GINS2: variants seen among roughly 807,000 people sequenced by gnomAD.
The protein encoded by GINS2 is DNA replication complex GINS protein PSF2.
A neutral mutation model predicts 21.2 loss-of-function variants in GINS2; 23 were observed. That is an observed-to-expected ratio of 1.08 (90% CI 0.78 to 1.53). The LOEUF is 1.53. Among genes scored for constraint, GINS2 ranks in the 40% most tolerant of loss-of-function variants. The pLI is 0.00. For synonymous variants in GINS2, 118 were observed against 85.6 expected, an observed-to-expected ratio of 1.38 and a Z score of -2.09; for missense variants, 323 against 233.9, an observed-to-expected ratio of 1.38 and a Z score of -2.49.
In GINS2 at chr16:85,681,597, T is replaced by C; in HGVS notation, c.290A>G (p.Lys97Arg). The C allele has an allele frequency of 6.2e-7, 1 of 1,605,088 alleles. No individual in the cohort carries two copies. Among genetic ancestry groups the C allele is most frequent in the Non-Finnish European group, 8.5e-7 (1 of 1,171,988 alleles). ...ATCTACTTACTGATTTAACAGGAGC[T>C]TCGTAAGTTCCATGTAGTAAGGGCT... ...MPSPYYMELTKLLLNHASDNI... is the reference protein window; with the variant it reads ...MPSPYYMELTRLLLNHASDNI... Residue 97 changes from lysine to arginine, a missense_variant, in exon 3 of 5, where the codon AAG becomes AGG. Coordinates refer to ENST00000253462, the MANE Select transcript of GINS2 (RefSeq NM_016095.3).
chr16:85,676,850 G>A lies in GINS2; in HGVS notation c.*1362C>T, dbSNP rs1213924230. ...AGCCTGGATGACAGAACGAGACCCT[G>A]TCTAAAAAAAAAGTTAAAATTTTTT... On this transcript the variant is annotated 3_prime_UTR_variant, in exon 5 of 5. Coordinates refer to ENST00000253462, the MANE Select transcript of GINS2 (RefSeq NM_016095.3). The A allele has an allele frequency of 1.4e-5, 2 of 145,842 alleles. No homozygotes were observed. The highest frequency in any genetic ancestry group is 4.9e-5 in the African/African-American group (2 of 40,546). The allele number at this position is 145,842 out of a possible 1,614,324, so 9.0% of individuals were successfully genotyped here.
intron 3 of GINS2, among the ~76,000 whole-genome samples, chr16:85,680,811 C>T (rs888052339): frequency 3.3e-5 from 5 of 152,138 alleles, no homozygotes; most frequent in South Asian, 2.1e-4. Flanking sequence ...GTGACAGGGG[C>T]CAGTGTGAGC....
intron 3 of GINS2, 52 bp downstream of exon 3, chr16:85,681,530 G>A (rs761650471): frequency 4.8e-6 from 5 of 1,046,990 alleles, no homozygotes; most frequent in African/African-American, 4.7e-5. Context: ...TAGGGGAAGG[G>A]CATGGCGAGT....
chr16:85,684,529 G>T (rs2053759334), intron 2 of GINS2, among the ~76,000 whole-genome samples: 3 of 151,982 alleles, frequency 2.0e-5, no homozygotes, highest in Non-Finnish European at 4.4e-5. Flanking sequence ...AAGCCAAAAA[G>T]GGGAATCCCA....
rs2152051543 is a variant in GINS2 at position 85,681,690 on chromosome 16, T to A, written c.206-9A>T. On this transcript the variant is annotated splice_polypyrimidine_tract_variant and intron_variant, in intron 2 of 4. Coordinates refer to ENST00000253462, the MANE Select transcript of GINS2 (RefSeq NM_016095.3). ...CATCTTCTCCAACTTTTCTGAAATT[T>A]AGAAGTTAATACATTTTACCATCAT... 6.6e-7 allele frequency: 1 copy of A among 1,513,422 alleles called. No homozygotes were observed. Among genetic ancestry groups the A allele is most frequent in the Middle Eastern group, 1.8e-4 (1 of 5,568 alleles). The allele number at this position is 1,513,422 out of a possible 1,614,324, so 93.7% of individuals were successfully genotyped here.
chr16:85,686,639 C>T (rs1283486488), intron 2 of GINS2, among the ~76,000 whole-genome samples: 5 of 152,128 alleles, frequency 3.3e-5, no homozygotes, highest in Middle Eastern at 3.2e-3. Context: ...TATTGATTTG[C>T]CTATTCTAGA....
At chr16:85,681,716 T>C (rs1231544064) in intron 2 of GINS2, 35 bp from the exon 3 acceptor site, 1 of 1,279,094 alleles carries the variant, frequency 7.8e-7, no homozygotes, top group Non-Finnish European at 1.1e-6. Context: ...TTACCATCAT[T>C]ATAACCAAGA....
At chr16:85,687,762 G>T in intron 1 of GINS2, 188 bp from the exon 2 acceptor site, 2 of 483,010 alleles carry the variant, frequency 4.1e-6, no homozygotes, top group Non-Finnish European at 7.3e-6. Flanking sequence ...ACCTGCGAGC[G>T]TGGGGCTCAG....
In GINS2 at chr16:85,688,728, G is replaced by C. The variant is rs564320518; in HGVS notation, c.90+81C>G. ...AGATGCGGGAGCAGGGCGAGCCCGC[G>C]ACCCCGGGGCTGAAGGCCACGCGGG... On this transcript the variant is annotated intron_variant, in intron 1 of 4. Transcript: ENST00000253462. 1.1e-5 allele frequency: 8 copies of C among 734,556 alleles called. No individual in the cohort carries two copies. In the African/African-American group the frequency reaches 1.5e-4, roughly 14 times the overall value. The allele number at this position is 734,556 out of a possible 1,614,324, so 45.5% of individuals were successfully genotyped here.
At chr16:85,684,843 A>G (rs1401041710) in intron 2 of GINS2, among the ~76,000 whole-genome samples, 1 of 151,600 alleles carries the variant, frequency 6.6e-6, no homozygotes, top group Non-Finnish European at 1.5e-5. Context: ...GCTGGAGTAC[A>G]GTGGCGCGAT....
Position 85,681,677 on chromosome 16 carries a change from C to G in GINS2, c.210G>C (p.Lys70Asn), listed in dbSNP as rs2053734595. 8 of 1,595,050 alleles carry G rather than the reference C, an allele frequency of 5.0e-6. No individual in the cohort carries two copies. The highest frequency in any genetic ancestry group is 6.9e-6 in the Non-Finnish European group (8 of 1,163,316). Reference sequence around the variant, plus strand: ...GTTCATGATCCCTCATCTTCTCCAACTTTTCTGAAATTTAGAAGTTAATAC... The same window carrying G: ...GTTCATGATCCCTCATCTTCTCCAAGTTTTCTGAAATTTAGAAGTTAATAC... ...LLPPEWMDVE[K>N]LEKMRDHERK... is the part of the protein sequence containing the mutation. The change falls in exon 3 of 5, where the codon AAG becomes AAC. Residue 70 changes from lysine to asparagine, a missense_variant. Transcript: ENST00000253462.
chr16:85,686,072 C>G (rs190989857), intron 2 of GINS2, among the ~76,000 whole-genome samples: 16 of 152,178 alleles, frequency 1.1e-4, no homozygotes, highest in African/African-American at 3.6e-4. Flanking sequence ...TTCAAAGGCT[C>G]AGAATAAAGC....
At chr16:85,684,617 G>C (rs1417899349) in intron 2 of GINS2, among the ~76,000 whole-genome samples, 1 of 151,820 alleles carries the variant, frequency 6.6e-6, no homozygotes, top group Non-Finnish European at 1.5e-5. Context: ...ATAGCCAGGT[G>C]GTGTGAATAT....
intron 1 of GINS2, chr16:85,688,040 G>A (rs1197893887): frequency 1.3e-5 from 2 of 154,016 alleles, no homozygotes; most frequent in East Asian, 1.9e-4. Flanking sequence ...GCTGAGGCAG[G>A]AGAATCACCT....
chr16:85,681,332 G>A (rs1220454742), intron 3 of GINS2, among the ~76,000 whole-genome samples: 10 of 152,212 alleles, frequency 6.6e-5, no homozygotes, highest in Non-Finnish European at 1.0e-4. Flanking sequence ...CCGGGAAGTG[G>A]AGAAAAGGAA....
chr16:85,679,879 C>T lies in GINS2; in HGVS notation c.306-1213G>A, dbSNP rs139397351. On this transcript the variant is annotated intron_variant, in intron 3 of 4. Transcript: ENST00000253462. ...CTGGCCACTGCAGCAGAACCTATGC[C>T]TCCATTCCTCTGCTCCCATGAATGT... is the stretch of plus-strand genomic sequence containing the variant. Among the ~76,000 whole-genome samples the T allele has an allele frequency of 4.4e-3, 671 of 152,314 alleles. 3 individuals are homozygous for T. The highest frequency in any genetic ancestry group is 7.4e-3 in the Non-Finnish European group (502 of 68,022).
rs1376374400 is a variant in GINS2 at position 85,677,276 on chromosome 16, G to A, written c.*936C>T. 2.0e-5 allele frequency: 3 copies of A among 152,198 alleles called. No homozygotes were observed. In the East Asian group the frequency reaches 5.8e-4, roughly 29 times the overall value. 9.4% of individuals were successfully genotyped at this position (152,198 alleles called of 1,614,324 possible). ...CTCAAGGTAATGTAATTTCTGTAAA[G>A]GTCCTAACATTTCCAAAATGCTACG... On this transcript the variant is annotated 3_prime_UTR_variant, in exon 5 of 5. Coordinates refer to ENST00000253462, the MANE Select transcript of GINS2 (RefSeq NM_016095.3).
At chr16:85,683,631 T>G (rs2053752050) in intron 2 of GINS2, among the ~76,000 whole-genome samples, 1 of 152,214 alleles carries the variant, frequency 6.6e-6, no homozygotes, top group Non-Finnish European at 1.5e-5. Context: ...CAGCCAATCC[T>G]GCTGCTGCTT....
Position 85,678,355 on chromosome 16 carries a change from A to T in GINS2, c.433-18T>A. 1 of 1,613,248 alleles carries T rather than the reference A, an allele frequency of 6.2e-7. No homozygotes were observed. The highest frequency in any genetic ancestry group is 8.5e-7 in the Non-Finnish European group (1 of 1,179,622). On this transcript the variant is annotated intron_variant, in intron 4 of 4. Coordinates refer to ENST00000253462, the MANE Select transcript of GINS2 (RefSeq NM_016095.3). Reference sequence around the variant, plus strand: ...TTATCCAGCTAAAGCAAGAAAACAGACCAAGTTGGCCAAGGAGTTTTTGAT... The same window carrying T: ...TTATCCAGCTAAAGCAAGAAAACAGTCCAAGTTGGCCAAGGAGTTTTTGAT...
Sources: allele counts gnomAD v4.1 joint callset (sites outside exome capture counted in the v4.1 genomes callset), GRCh38; gene constraint gnomAD v4.1.1; transcripts MANE v1.5; gene names NCBI Gene and HGNC (gene_info 2026-07-23, HGNC 2026-07-21).